TIAM1: variants seen among roughly 807,000 people sequenced by gnomAD.
TIAM1 encodes TIAM Rac1 associated GEF 1.
In TIAM1, 65 loss-of-function variants were observed where a neutral mutation model predicts 163.5. The ratio of observed to expected loss-of-function variants is 0.40; its 90% CI spans 0.33 to 0.49. The LOEUF is 0.49. Ranked by LOEUF, TIAM1 falls within the 20% of genes least tolerant of loss-of-function variation. TIAM1 has a pLI of 0.77. For synonymous variants in TIAM1, 833 were observed against 810.1 expected, an observed-to-expected ratio of 1.03 and a Z score of -0.48; for missense variants, 1,789 against 2,044.7, an observed-to-expected ratio of 0.87 and a Z score of 2.41.
chr21:31,187,227 T>C (rs2085345828), intron 13 of TIAM1, 140 bp from the exon 14 acceptor site: 3 of 750,244 alleles, frequency 4.0e-6, no homozygotes, highest in Admixed American at 2.4e-5. Context: ...TTGTTTTACA[T>C]AGCAGAAAAG....
At chr21:31,296,365 C>T (rs1005061902) in intron 2 of TIAM1, among the ~76,000 whole-genome samples, 2 of 152,048 alleles carry the variant, frequency 1.3e-5, no homozygotes, top group African/African-American at 4.8e-5. Flanking sequence ...TTCAAATTTT[C>T]GACTATTTAT....
chr21:31,186,369 C>T (rs1171891030), intron 14 of TIAM1, among the ~76,000 whole-genome samples: 1 of 152,188 alleles, frequency 6.6e-6, no homozygotes, highest in African/African-American at 2.4e-5. Flanking sequence ...GACCAAAGTA[C>T]AGAGGGGTCT....
chr21:31,322,867 G>A (rs1421377201), intron 2 of TIAM1, among the ~76,000 whole-genome samples: 27 of 152,124 alleles, frequency 1.8e-4, no homozygotes, highest in Non-Finnish European at 7.4e-5. Flanking sequence ...AGCCAGGCGG[G>A]GCCCACTTCA....
intron 1 of TIAM1, among the ~76,000 whole-genome samples, chr21:31,530,687 CA>C (rs2047941533): frequency 6.6e-6 from 1 of 152,188 alleles, no homozygotes; most frequent in Admixed American, 6.5e-5. Flanking sequence ...ACTGAGCCAT[CA>C]GCTGTCCCCA....
At chr21:31,278,212 T>C (rs1413470249) in intron 2 of TIAM1, among the ~76,000 whole-genome samples, 1 of 152,206 alleles carries the variant, frequency 6.6e-6, no homozygotes, top group Non-Finnish European at 1.5e-5. Context: ...AACTTTCCAT[T>C]GTATACACGT....
At chr21:31,134,491 C>A (rs567037551) in intron 23 of TIAM1, among the ~76,000 whole-genome samples, 2 of 152,146 alleles carry the variant, frequency 1.3e-5, no homozygotes, top group Admixed American at 1.3e-4. Flanking sequence ...TAGTCACATG[C>A]TTTCTCTGCA....
chr21:31,551,041 T>C (rs998908186), intron 1 of TIAM1, among the ~76,000 whole-genome samples: 2 of 150,586 alleles, frequency 1.3e-5, no homozygotes, highest in African/African-American at 4.9e-5. Context: ...TGAAACCTAG[T>C]CTCTACTAAA....
At chr21:31,265,872 A>C in intron 4 of TIAM1, 138 bp downstream of exon 4, 1 of 1,234,978 alleles carries the variant, frequency 8.1e-7, no homozygotes, top group Non-Finnish European at 1.1e-6. Context: ...TCCTCCCAAA[A>C]CAGCACCAGC....
intron 2 of TIAM1, among the ~76,000 whole-genome samples, chr21:31,417,151 T>C (rs1359408598): frequency 5.3e-5 from 8 of 152,206 alleles, no homozygotes; most frequent in Non-Finnish European, 1.2e-4. Context: ...GCCTCCCAAG[T>C]AGCTGGGACT....
At chr21:31,210,280 ACTGCACACAGGAATCAC>A (rs1016949597) in intron 10 of TIAM1, 65 bp from the exon 11 acceptor site, 47 of 1,545,360 alleles carry the variant, frequency 3.0e-5, no homozygotes, top group Non-Finnish European at 3.9e-5. Flanking sequence ...AGATTCCCAG[ACTGCACACAGGAATCAC>A]CGATTCCCAT....
chr21:31,417,168 A>G (rs1278201821), intron 2 of TIAM1, among the ~76,000 whole-genome samples: 1 of 152,138 alleles, frequency 6.6e-6, no homozygotes, highest in Admixed American at 6.6e-5. Flanking sequence ...GACTACAGGC[A>G]TGCGCCACCA....
At chr21:31,360,809 T>C (rs2076394623) in intron 2 of TIAM1, among the ~76,000 whole-genome samples, 1 of 152,212 alleles carries the variant, frequency 6.6e-6, no homozygotes, top group African/African-American at 2.4e-5. Context: ...GAATAGGAGC[T>C]TGGCCATGCT....
chr21:31,473,640 C>T (rs1160896316), intron 1 of TIAM1, among the ~76,000 whole-genome samples: 1 of 151,732 alleles, frequency 6.6e-6, no homozygotes. Context: ...AAACCTTTAG[C>T]AGGGGCACAC....
intron 2 of TIAM1, among the ~76,000 whole-genome samples, chr21:31,459,556 G>A (rs1569349963): frequency 6.6e-6 from 1 of 152,190 alleles, no homozygotes; most frequent in Admixed American, 6.5e-5. Context: ...GGCCCCAGAT[G>A]TTTAATTATT....
At chr21:31,482,121 A>G (rs1289463460) in intron 1 of TIAM1, among the ~76,000 whole-genome samples, 1 of 150,096 alleles carries the variant, frequency 6.7e-6, no homozygotes, top group Non-Finnish European at 1.5e-5. Context: ...ACACACATAT[A>G]TATTTATATA....
chr21:31,394,858 C>T (rs1462887269), intron 2 of TIAM1, among the ~76,000 whole-genome samples: 1 of 152,048 alleles, frequency 6.6e-6, no homozygotes, highest in Non-Finnish European at 1.5e-5. Flanking sequence ...CCCTCCACCT[C>T]CTTGCCCACA....
intron 16 of TIAM1, among the ~76,000 whole-genome samples, chr21:31,162,023 AAATT>A (rs1420439039): frequency 6.6e-6 from 1 of 152,234 alleles, no homozygotes; most frequent in Non-Finnish European, 1.5e-5. Context: ...CACCACTAAT[AAATT>A]AATTCCTTCT....
At chr21:31,219,161 A>T (rs2087404311) in intron 8 of TIAM1, among the ~76,000 whole-genome samples, 1 of 151,630 alleles carries the variant, frequency 6.6e-6, no homozygotes, top group Admixed American at 6.6e-5. Context: ...TAATTGCTCA[A>T]GTAGAATCTC....
intron 1 of TIAM1, among the ~76,000 whole-genome samples, chr21:31,498,626 G>C (rs959213536): frequency 2.0e-5 from 3 of 152,208 alleles, no homozygotes; most frequent in African/African-American, 7.2e-5. Flanking sequence ...TGTGGGACTA[G>C]TGAGAAGTCA....
Sources: gnomAD v4.1 joint callset for allele counts (sites outside exome capture counted in the v4.1 genomes callset) on GRCh38, gnomAD v4.1.1 for gene constraint, MANE v1.5 for transcripts, NCBI Gene and HGNC (gene_info 2026-07-23, HGNC 2026-07-21) for gene names.